Variants in CPED1 observed in about 807,000 individuals in gnomAD.
CPED1 encodes the protein cadherin like and PC-esterase domain containing 1.
In CPED1, 114 loss-of-function variants were observed where a neutral mutation model predicts 128.2. The observed-to-expected ratio is 0.89, with a 90% CI of 0.76 to 1.04. CPED1 has a LOEUF of 1.04. Among genes scored for constraint, CPED1 ranks in the 50% least tolerant of loss-of-function variants. The pLI is 0.00. For missense variants in CPED1, 1,211 were observed against 1,207.1 expected, an observed-to-expected ratio of 1.00 and a Z score of -0.05; for synonymous variants, 462 against 426.7, an observed-to-expected ratio of 1.08 and a Z score of -1.02.
intron 16 of CPED1, among the ~76,000 whole-genome samples, chr7:121,147,661 A>G (rs539341711): frequency 6.6e-6 from 1 of 152,242 alleles, no homozygotes; most frequent in Non-Finnish European, 1.5e-5. Context: ...TTTTGCCCTC[A>G]AAATGTTGCA....
chr7:121,181,133 T>G (rs1246642045), intron 16 of CPED1, among the ~76,000 whole-genome samples: 1 of 152,154 alleles, frequency 6.6e-6, no homozygotes, highest in African/African-American at 2.4e-5. Flanking sequence ...ATTGTGTTTT[T>G]GTGTGAGAGA....
Position 121,102,412 on chromosome 7 carries a change from GA to G in CPED1, c.918+2319del, listed in dbSNP as rs145757735. 7.8e-3 allele frequency among the ~76,000 whole-genome samples: 1,187 copies of G among 152,216 alleles called. 18 individuals are homozygous for G. Among genetic ancestry groups the G allele is most frequent in the African/African-American group, 0.026 (1,098 of 41,546 alleles). On this transcript the variant is annotated intron_variant, in intron 7 of 22. Coordinates refer to ENST00000310396, the MANE Select transcript of CPED1 (RefSeq NM_024913.5). ...CTTTCAGGTGAATCCAAGGAGAAGG[GA>G]CAGAATGTGCTCCAAACATGAAGAA... is the stretch of plus-strand genomic sequence containing the variant.
chr7:121,222,212 A>G (rs186952160), intron 16 of CPED1, among the ~76,000 whole-genome samples: 1 of 152,312 alleles, frequency 6.6e-6, no homozygotes, highest in East Asian at 1.9e-4. Flanking sequence ...TTAAATAGGG[A>G]ATCCGTTTCC....
In CPED1 at chr7:121,059,137, A is replaced by G. The variant is rs114264283; in HGVS notation, c.541-5101A>G. Among the ~76,000 whole-genome samples, 1,059 of 152,304 alleles carry G rather than the reference A, an allele frequency of 7.0e-3. 15 individuals are homozygous for G. The highest frequency in any genetic ancestry group is 0.024 in the African/African-American group (1,015 of 41,566). On this transcript the variant is annotated intron_variant, in intron 4 of 22. Transcript: ENST00000310396. ...TGGGGCTGTATCTCACCGCAAGTAG[A>G]CAGGTGCTAGTGTTTCAAAAGCAGA...
At chr7:121,128,331 A>G in intron 10 of CPED1, 51 bp from the exon 11 acceptor site, 1 of 1,007,562 alleles carries the variant, frequency 9.9e-7, no homozygotes, top group Admixed American at 1.8e-5. Context: ...TGGGTTGAAC[A>G]TGGTTTGACT....
At chr7:121,129,558 A>G (rs1008525241) in intron 11 of CPED1, among the ~76,000 whole-genome samples, 2 of 151,680 alleles carry the variant, frequency 1.3e-5, no homozygotes, top group Non-Finnish European at 2.9e-5. Flanking sequence ...ATACTATAAA[A>G]AGATAATAAA....
intron 2 of CPED1, among the ~76,000 whole-genome samples, chr7:120,997,931 ATAAAATAAAAT>A (rs1241325234): frequency 0.029 from 400 of 13,580 alleles, 17 homozygotes; most frequent in African/African-American, 0.04. Flanking sequence ...TCGAAAAAAA[ATAAAATAAAAT>A]AAAATAAAAT....
At chr7:121,282,386 C>T (rs964184853) in intron 22 of CPED1, among the ~76,000 whole-genome samples, 3 of 152,100 alleles carry the variant, frequency 2.0e-5, no homozygotes, top group Non-Finnish European at 4.4e-5. Flanking sequence ...ATTTTAATAA[C>T]CCCAAATGGC....
intron 16 of CPED1, among the ~76,000 whole-genome samples, chr7:121,214,898 C>G (rs1400370403): frequency 1.3e-5 from 2 of 151,986 alleles, no homozygotes; most frequent in African/African-American, 4.8e-5. Flanking sequence ...TTATTCAGCT[C>G]TAAGTAATTA....
intron 17 of CPED1, among the ~76,000 whole-genome samples, chr7:121,243,425 A>G (rs1172955384): frequency 6.6e-6 from 1 of 152,246 alleles, no homozygotes; most frequent in Non-Finnish European, 1.5e-5. Flanking sequence ...TTTTATCAGT[A>G]AAACAGGAAA....
chr7:121,237,117 T>C (rs1247755016), intron 17 of CPED1, among the ~76,000 whole-genome samples: 2 of 152,154 alleles, frequency 1.3e-5, no homozygotes, highest in African/African-American at 2.4e-5. Context: ...CTCTGATTTG[T>C]TTCTTTATTA....
At chr7:121,087,162 GT>G (rs989830117) in intron 5 of CPED1, among the ~76,000 whole-genome samples, 3 of 152,122 alleles carry the variant, frequency 2.0e-5, no homozygotes, top group South Asian at 2.1e-4. Context: ...TTTTAATATA[GT>G]TTTTTTTCTT....
At chr7:121,046,350 C>T (rs958461486) in intron 3 of CPED1, among the ~76,000 whole-genome samples, 1 of 150,702 alleles carries the variant, frequency 6.6e-6, no homozygotes, top group Admixed American at 6.6e-5. Context: ...ATTTAATTTT[C>T]TCTCTATTAC....
intron 22 of CPED1, among the ~76,000 whole-genome samples, chr7:121,276,697 A>G (rs1792336943): frequency 6.6e-6 from 1 of 152,172 alleles, no homozygotes; most frequent in Admixed American, 6.6e-5. Context: ...TCAAGGTAAT[A>G]AGATAATGGT....
chr7:121,113,025 A>G (rs1795150501), intron 7 of CPED1, among the ~76,000 whole-genome samples: 1 of 152,218 alleles, frequency 6.6e-6, no homozygotes, highest in Non-Finnish European at 1.5e-5. Flanking sequence ...TATAATGGTT[A>G]TATGTCCTTC....
At chr7:121,200,892 C>G (rs934890777) in intron 16 of CPED1, among the ~76,000 whole-genome samples, 1 of 152,012 alleles carries the variant, frequency 6.6e-6, no homozygotes, top group Non-Finnish European at 1.5e-5. Flanking sequence ...CAAAGGGTCT[C>G]TCAGACATTC....
chr7:121,137,212 T>C (rs750806294), intron 14 of CPED1, among the ~76,000 whole-genome samples: 15 of 151,940 alleles, frequency 9.9e-5, no homozygotes, highest in Non-Finnish European at 1.6e-4. Flanking sequence ...CACTTTGTTG[T>C]CCTTGCTGGA....
intron 16 of CPED1, among the ~76,000 whole-genome samples, chr7:121,171,807 G>T (rs1034991571): frequency 6.6e-5 from 10 of 152,008 alleles, no homozygotes; most frequent in Non-Finnish European, 4.4e-5. Flanking sequence ...CTAGGAATTG[G>T]ATATCTTGAT....
At chr7:121,261,595 A>G (rs377164049) in intron 18 of CPED1, 8 of 1,597,290 alleles carry the variant, frequency 5.0e-6, no homozygotes, top group African/African-American at 2.7e-5. Flanking sequence ...GCGCTGGCCC[A>G]TAGAAAACCT....
Sources: gnomAD v4.1 joint callset for allele counts (sites outside exome capture counted in the v4.1 genomes callset) on GRCh38, gnomAD v4.1.1 for gene constraint, MANE v1.5 for transcripts, NCBI Gene and HGNC (gene_info 2026-07-23, HGNC 2026-07-21) for gene names.